Variants in KHDRBS2 observed in about 807,000 individuals in gnomAD.
KHDRBS2 encodes the protein KH RNA binding domain containing, signal transduction associated 2.
Under a neutral mutation model 44.3 loss-of-function variants are expected in KHDRBS2, and 26 were observed. The ratio of observed to expected loss-of-function variants is 0.59; its 90% CI spans 0.43 to 0.81. The LOEUF is 0.81. Among genes scored for constraint, KHDRBS2 ranks in the 40% least tolerant of loss-of-function variants. KHDRBS2 has a pLI of 0.00. For missense variants in KHDRBS2, 476 were observed against 433.1 expected (o/e 1.10, Z -0.88); for synonymous variants, 194 against 151.1 (o/e 1.28, Z -2.08).
chr6:61,868,829 C>T (rs515783), intron 6 of KHDRBS2, among the ~76,000 whole-genome samples: 33,935 of 152,090 alleles, frequency 0.22, 4,636 homozygotes, highest in South Asian at 0.31. Flanking sequence ...TATGGACCTC[C>T]GGGCTTGCCT....
At chr6:62,027,470 T>C (rs1211935620) in intron 3 of KHDRBS2, among the ~76,000 whole-genome samples, 2 of 152,062 alleles carry the variant, frequency 1.3e-5, no homozygotes, top group African/African-American at 4.8e-5. Context: ...CTTTTGTTAT[T>C]CATAACACAT....
At chr6:61,887,714 C>T (rs1801174585) in intron 6 of KHDRBS2, among the ~76,000 whole-genome samples, 1 of 152,164 alleles carries the variant, frequency 6.6e-6, no homozygotes, top group African/African-American at 2.4e-5. Flanking sequence ...GGAAGCTTTA[C>T]TAAGAAATTT....
chr6:61,585,256 T>C, the KHDRBS2 span, among the ~76,000 whole-genome samples: 5 of 151,902 alleles, frequency 3.3e-5, no homozygotes, highest in African/African-American at 1.2e-4. Context: ...GACAGAGCTG[T>C]GGTTTTTAAA....
At chr6:61,954,797 T>G (rs1345169122) in intron 4 of KHDRBS2, among the ~76,000 whole-genome samples, 4 of 90,202 alleles carry the variant, frequency 4.4e-5, no homozygotes, top group African/African-American at 1.9e-4. Context: ...CACATGCATA[T>G]GTATGTATAC....
the KHDRBS2 span, among the ~76,000 whole-genome samples, chr6:61,594,271 A>T: frequency 1.3e-5 from 2 of 152,096 alleles, no homozygotes; most frequent in African/African-American, 4.8e-5. Context: ...AATCATTTCA[A>T]TTATTCATCA....
At chr6:62,005,056 C>T (rs1448288167) in intron 3 of KHDRBS2, among the ~76,000 whole-genome samples, 2 of 151,960 alleles carry the variant, frequency 1.3e-5, no homozygotes, top group African/African-American at 2.4e-5. Context: ...TAAACAAAGG[C>T]TAAACACTTC....
At chr6:61,603,996 T>G in the KHDRBS2 span, among the ~76,000 whole-genome samples, 30 of 152,266 alleles carry the variant, frequency 2.0e-4, no homozygotes, top group Non-Finnish European at 3.8e-4. Flanking sequence ...TGTAGTATCT[T>G]CCACACTTAT....
the KHDRBS2 span, among the ~76,000 whole-genome samples, chr6:61,674,070 A>C: frequency 6.6e-6 from 1 of 151,748 alleles, no homozygotes; most frequent in African/African-American, 2.4e-5. Context: ...TAATCATGTG[A>C]GTGGTTTTCT....
chr6:61,814,355 A>T (rs1415063485), intron 6 of KHDRBS2, among the ~76,000 whole-genome samples: 3 of 152,108 alleles, frequency 2.0e-5, no homozygotes, highest in Non-Finnish European at 4.4e-5. Flanking sequence ...CTCGTGCCTG[A>T]AATCCCAGTT....
At chr6:61,698,252 A>G (rs1338024558) in intron 7 of KHDRBS2, among the ~76,000 whole-genome samples, 1 of 151,706 alleles carries the variant, frequency 6.6e-6, no homozygotes, top group Non-Finnish European at 1.5e-5. Context: ...TCATTTCTTC[A>G]TTTTTCCCTA....
At chr6:61,967,084 T>C (rs1770143103) in intron 4 of KHDRBS2, among the ~76,000 whole-genome samples, 1 of 151,764 alleles carries the variant, frequency 6.6e-6, no homozygotes, top group Non-Finnish European at 1.5e-5. Flanking sequence ...GTTTCCTTTA[T>C]AATTTTAAAA....
chr6:61,850,359 C>G (rs1795246760), intron 6 of KHDRBS2, among the ~76,000 whole-genome samples: 2 of 151,806 alleles, frequency 1.3e-5, no homozygotes, highest in Non-Finnish European at 2.9e-5. Context: ...TTGTAGATGC[C>G]TAGTGCTTGG....
At chr6:61,721,273 G>T (rs1461438903) in intron 7 of KHDRBS2, among the ~76,000 whole-genome samples, 1 of 152,044 alleles carries the variant, frequency 6.6e-6, no homozygotes, top group Non-Finnish European at 1.5e-5. Flanking sequence ...CTCTTTTTTG[G>T]TTCCATATGA....
intron 4 of KHDRBS2, among the ~76,000 whole-genome samples, chr6:61,942,367 A>G (rs1812300193): frequency 6.6e-6 from 1 of 152,174 alleles, no homozygotes; most frequent in Non-Finnish European, 1.5e-5. Context: ...TGAGAAATTT[A>G]CCAAAAAGAT....
intron 2 of KHDRBS2, among the ~76,000 whole-genome samples, chr6:62,062,707 C>A (rs1004431125): frequency 6.8e-6 from 1 of 147,620 alleles, no homozygotes; most frequent in South Asian, 2.2e-4. Flanking sequence ...CCTAACATCA[C>A]AATTAAAAGA....
At chr6:61,606,383 G>T in the KHDRBS2 span, among the ~76,000 whole-genome samples, 1 of 152,270 alleles carries the variant, frequency 6.6e-6, no homozygotes, top group Non-Finnish European at 1.5e-5. Flanking sequence ...TGCCAAAAAT[G>T]AACGGGCCAA....
intron 6 of KHDRBS2, among the ~76,000 whole-genome samples, chr6:61,780,070 T>C (rs1216785889): frequency 6.6e-6 from 1 of 152,228 alleles, no homozygotes; most frequent in Non-Finnish European, 1.5e-5. Flanking sequence ...CTCAGTATAT[T>C]TTTCTCCATG....
downstream of KHDRBS2, among the ~76,000 whole-genome samples, chr6:61,677,989 T>C (rs1380765812): frequency 1.3e-5 from 2 of 151,878 alleles, no homozygotes; most frequent in Non-Finnish European, 2.9e-5. Context: ...CTACAGCCGA[T>C]CATTAAAGTT....
chr6:61,738,045 G>T (rs1439019727), intron 6 of KHDRBS2, among the ~76,000 whole-genome samples: 1 of 151,850 alleles, frequency 6.6e-6, no homozygotes, highest in Non-Finnish European at 1.5e-5. Flanking sequence ...AAACATAAAA[G>T]ATCAAAAATT....
Sources: gnomAD v4.1 joint callset for allele counts (sites outside exome capture counted in the v4.1 genomes callset) on GRCh38, gnomAD v4.1.1 for gene constraint, MANE v1.5 for transcripts, NCBI Gene and HGNC (gene_info 2026-07-23, HGNC 2026-07-21) for gene names.